Variants in ELAPOR2 observed in about 807,000 individuals in gnomAD.
ELAPOR2 encodes the protein endosome/lysosome-associated apoptosis and autophagy regulator family member 2.
ELAPOR2 carries 89 observed loss-of-function variants against 120.7 expected under a neutral mutation model. That is an observed-to-expected ratio of 0.74 (90% CI 0.62 to 0.88). ELAPOR2 has a LOEUF of 0.88. Among genes scored for constraint, ELAPOR2 ranks in the 40% least tolerant of loss-of-function variants. ELAPOR2 has a pLI of 0.00. For missense variants in ELAPOR2, 1,134 were observed against 1,251.6 expected (o/e 0.91, Z 1.42); for synonymous variants, 444 against 444.9 (o/e 1.00, Z 0.03).
intron 1 of ELAPOR2, among the ~76,000 whole-genome samples, chr7:86,996,790 C>T (rs77273752): frequency 0.025 from 3,822 of 152,238 alleles, 69 homozygotes; most frequent in Admixed American, 0.04. Context: ...AAACCCCTTA[C>T]GCCATGGCTA....
intron 1 of ELAPOR2, among the ~76,000 whole-genome samples, chr7:86,981,203 T>A (rs1033036351): frequency 2.0e-5 from 3 of 152,234 alleles, no homozygotes; most frequent in Admixed American, 6.5e-5. Flanking sequence ...CATACCTCCA[T>A]AAAAAGTTTC....
chr7:86,995,778 C>A (rs2116613558), intron 1 of ELAPOR2, among the ~76,000 whole-genome samples: 1 of 152,166 alleles, frequency 6.6e-6, no homozygotes, highest in Admixed American at 6.5e-5. Context: ...ATTCCCTCCC[C>A]CAGGAGTTTA....
In ELAPOR2 at chr7:86,925,594, C is replaced by G. The variant is rs1790029174; in HGVS notation, c.1333G>C (p.Val445Leu). Residue 445 changes from valine to leucine, a missense_variant, in exon 10 of 22, where the codon GTC becomes CTC. By Grantham distance (32) the Val-to-Leu change is conservative. Transcript: ENST00000450689. The part of the protein sequence containing the change: ...ALGFEYKWWN[V>L]LPGNMKTSCF... ...GAAGTTTTCATGTTGCCAGGAAGGA[C>G]ATTCCACCATTTATATTCAAAGCCA... 1 of 1,611,898 alleles carries G rather than the reference C, an allele frequency of 6.2e-7. No homozygotes were observed. The highest frequency in any genetic ancestry group is 8.5e-7 in the Non-Finnish European group (1 of 1,178,568).
Position 86,878,489 on chromosome 7 carries a change from G to C in ELAPOR2, c.*1982C>G, listed in dbSNP as rs1352763965. ...GTCAGAGATTTTAGTCCAGTGACAG[G>C]AGAAGAAAGAAGCTACCTGGGAGAA... On this transcript the variant is annotated 3_prime_UTR_variant, in exon 22 of 22. Coordinates refer to ENST00000450689, the MANE Select transcript of ELAPOR2 (RefSeq NM_001142749.3). The C allele has an allele frequency of 1.3e-5, 2 of 152,166 alleles. No individual in the cohort carries two copies. Among genetic ancestry groups the C allele is most frequent in the East Asian group, 3.8e-4 (2 of 5,196 alleles). 9.4% of individuals were successfully genotyped at this position (152,166 alleles called of 1,614,324 possible).
intron 1 of ELAPOR2, among the ~76,000 whole-genome samples, chr7:86,971,858 G>A (rs1002838699): frequency 1.3e-5 from 2 of 151,818 alleles, no homozygotes; most frequent in Non-Finnish European, 2.9e-5. Flanking sequence ...AATCAGAGGT[G>A]AAAAAAAATC....
At chr7:86,993,102 G>A (rs1478155495) in intron 1 of ELAPOR2, among the ~76,000 whole-genome samples, 1 of 151,860 alleles carries the variant, frequency 6.6e-6, no homozygotes, top group Admixed American at 6.6e-5. Context: ...TGGGCGTGGT[G>A]GCGCGCACCT....
intron 1 of ELAPOR2, among the ~76,000 whole-genome samples, chr7:86,990,340 G>A (rs1316944189): frequency 7.4e-6 from 1 of 134,804 alleles, no homozygotes; most frequent in Non-Finnish European, 1.6e-5. Flanking sequence ...GAGCCAGGCG[G>A]GTTCTGCGCT....
chr7:86,960,191 A>G (rs1791647982), intron 2 of ELAPOR2, among the ~76,000 whole-genome samples: 1 of 152,158 alleles, frequency 6.6e-6, no homozygotes, highest in Non-Finnish European at 1.5e-5. Flanking sequence ...TTTGGGTGAA[A>G]TGTTCTGTGC....
At chr7:86,911,655 T>C (rs1396609321) in intron 15 of ELAPOR2, 9 of 457,434 alleles carry the variant, frequency 2.0e-5, no homozygotes, top group Admixed American at 1.2e-4. Flanking sequence ...GCATGTCTCC[T>C]TTTTATTTTG....
intron 2 of ELAPOR2, among the ~76,000 whole-genome samples, chr7:86,961,642 A>G (rs1391525244): frequency 6.6e-6 from 1 of 152,230 alleles, no homozygotes; most frequent in Non-Finnish European, 1.5e-5. Flanking sequence ...AGGTTCAAGG[A>G]AAGATTTTAG....
intron 1 of ELAPOR2, among the ~76,000 whole-genome samples, chr7:87,012,981 T>C (rs546255932): frequency 7.2e-5 from 11 of 152,290 alleles, no homozygotes; most frequent in African/African-American, 2.6e-4. Flanking sequence ...AAGCACAAAA[T>C]CATGCTATTG....
chr7:86,898,212 T>C (rs1369062576), intron 18 of ELAPOR2, among the ~76,000 whole-genome samples: 2 of 152,096 alleles, frequency 1.3e-5, no homozygotes, highest in Non-Finnish European at 1.5e-5. Context: ...CTCGAAAATA[T>C]TATGCTAAGT....
chr7:87,027,341 T>G (rs1794276387), intron 1 of ELAPOR2, among the ~76,000 whole-genome samples: 2 of 152,138 alleles, frequency 1.3e-5, no homozygotes, highest in South Asian at 4.1e-4. Context: ...CCCAAATCAT[T>G]TCAAATGACA....
rs1791064981 is a variant in ELAPOR2, at chr7:86,947,712, G to T, written c.506+15C>A. 6.5e-7 allele frequency: 1 copy of T among 1,545,574 alleles called. No homozygotes were observed. The highest frequency in any genetic ancestry group is 1.2e-5 in the South Asian group (1 of 83,660). On this transcript the variant is annotated intron_variant, in intron 3 of 21. Transcript: ENST00000450689. ...AATATTCAGTTAAGAGCCAAAGGCT[G>T]CTTTGGATTCTTACTTGTTACAGCC... is the stretch of plus-strand genomic sequence containing the variant.
At chr7:86,941,466 A>G (rs1790792026) in intron 5 of ELAPOR2, 8 of 489,052 alleles carry the variant, frequency 1.6e-5, no homozygotes, top group Admixed American at 1.3e-4. Flanking sequence ...AATAGGTAGG[A>G]GGCAGGTTGA....
At chr7:87,006,225 C>T (rs1265993977) in intron 1 of ELAPOR2, among the ~76,000 whole-genome samples, 1 of 152,000 alleles carries the variant, frequency 6.6e-6, no homozygotes, top group Non-Finnish European at 1.5e-5. Context: ...ATACAAATGA[C>T]CAATACACAC....
intron 20 of ELAPOR2, 34 bp from the exon 21 acceptor site, chr7:86,891,923 A>T: frequency 7.6e-7 from 1 of 1,317,778 alleles, no homozygotes; most frequent in Non-Finnish European, 1.1e-6. Flanking sequence ...ACAAATAAGT[A>T]TCCATTTATG....
chr7:86,913,948 C>A (rs1313530689), intron 13 of ELAPOR2, among the ~76,000 whole-genome samples: 1 of 152,186 alleles, frequency 6.6e-6, no homozygotes, highest in Non-Finnish European at 1.5e-5. Flanking sequence ...GATTCCACAG[C>A]ATGTTCACGC....
In ELAPOR2 at chr7:86,878,861, C is replaced by T. The variant is rs1799270445; in HGVS notation, c.*1610G>A. The T allele has an allele frequency of 6.6e-6, 1 of 152,158 alleles. No individual in the cohort carries two copies. The highest frequency in any genetic ancestry group is 2.4e-5 in the African/African-American group (1 of 41,440). The allele number at this position is 152,158 out of a possible 1,614,324, so 9.4% of individuals were successfully genotyped here. On this transcript the variant is annotated 3_prime_UTR_variant, in exon 22 of 22. Transcript: ENST00000450689. ...AAACAATGACAACCTCACCTATACTCATATGTGCAACAGCAGAGATATACA... is the reference window on the plus strand; with the variant it reads ...AAACAATGACAACCTCACCTATACTTATATGTGCAACAGCAGAGATATACA...
Sources: allele counts gnomAD v4.1 joint callset (sites outside exome capture counted in the v4.1 genomes callset), GRCh38; gene constraint gnomAD v4.1.1; transcripts MANE v1.5; gene names NCBI Gene and HGNC (gene_info 2026-07-23, HGNC 2026-07-21).